The following TBL1XR1 variants were observed in gnomAD, a reference collection of about 807,000 sequenced individuals.
TBL1XR1 encodes the protein F-box-like/WD repeat-containing protein TBL1XR1.
TBL1XR1 carries 5 observed loss-of-function variants against 66.9 expected under a neutral mutation model. The observed-to-expected ratio is 0.07, with a 90% CI of 0.04 to 0.16. The LOEUF is 0.16. TBL1XR1 is among the 10% of genes least tolerant of loss of function. TBL1XR1 has a pLI of 1.00. For missense variants in TBL1XR1, 238 were observed against 623.2 expected, an observed-to-expected ratio of 0.38 and a Z score of 6.58; for synonymous variants, 210 against 206.0, an observed-to-expected ratio of 1.02 and a Z score of -0.17.
At chr3:177,171,700 C>T (rs1230712276) in intron 1 of TBL1XR1, among the ~76,000 whole-genome samples, 1 of 25,630 alleles carries the variant, frequency 3.9e-5, no homozygotes, top group Non-Finnish European at 7.0e-5. Flanking sequence ...CAGACTCCGT[C>T]TCAAAAAAAA....
chr3:177,137,349 G>C (rs1299266273), intron 1 of TBL1XR1, among the ~76,000 whole-genome samples: 1 of 151,986 alleles, frequency 6.6e-6, no homozygotes, highest in Non-Finnish European at 1.5e-5. Context: ...AAAATCGTCA[G>C]GGCGTGGTGG....
At chr3:177,176,467 G>A (rs1358023558) in intron 1 of TBL1XR1, among the ~76,000 whole-genome samples, 2 of 151,160 alleles carry the variant, frequency 1.3e-5, no homozygotes, top group East Asian at 2.0e-4. Context: ...AAAGTACTGG[G>A]AATACATGTG....
chr3:177,051,970 A>G (rs1717148848), intron 4 of TBL1XR1, among the ~76,000 whole-genome samples: 1 of 152,206 alleles, frequency 6.6e-6, no homozygotes, highest in Non-Finnish European at 1.5e-5. Flanking sequence ...CTGTACAGAT[A>G]GAGCTGAAAT....
At chr3:177,189,716 G>A (rs1341906008) in intron 1 of TBL1XR1, among the ~76,000 whole-genome samples, 2 of 149,184 alleles carry the variant, frequency 1.3e-5, no homozygotes, top group Non-Finnish European at 2.9e-5. Flanking sequence ...ACCCTGGTTG[G>A]CTGGAACTAA....
chr3:177,156,518 T>TACACACATACAC (rs1553858991), intron 1 of TBL1XR1, among the ~76,000 whole-genome samples: 1 of 139,706 alleles, frequency 7.2e-6, no homozygotes, highest in African/African-American at 2.6e-5. Flanking sequence ...TATATATACA[T>TACACACATACAC]ACACACACAC....
chr3:177,194,575 T>C, intron 1 of TBL1XR1, among the ~76,000 whole-genome samples: 2 of 152,332 alleles, frequency 1.3e-5, no homozygotes, highest in East Asian at 3.9e-4. Context: ...GAGATTCCTT[T>C]GTCAGCTACT....
intron 2 of TBL1XR1, among the ~76,000 whole-genome samples, chr3:177,084,378 T>C (rs1721867651): frequency 6.6e-6 from 1 of 152,198 alleles, no homozygotes; most frequent in Non-Finnish European, 1.5e-5. Context: ...ATGAGGTCTG[T>C]CTGGTTTTAG....
In TBL1XR1 at chr3:177,098,487, G is replaced by C. The variant is rs1226384326; in HGVS notation, c.-67C>G. On this transcript the variant is annotated 5_prime_UTR_variant, in exon 2 of 16. Coordinates refer to ENST00000457928, the MANE Select transcript of TBL1XR1 (RefSeq NM_024665.7). The stretch of plus-strand genomic sequence containing the variant: ...TTACCATTGGCAGTGCATTGATGTG[G>C]GGATGTGCAACTGAATATCCGGTCA... The C allele has an allele frequency of 5.1e-6, 5 of 985,706 alleles. No homozygotes were observed. 61.1% of individuals were successfully genotyped at this position (985,706 alleles called of 1,614,324 possible). A position where few individuals can be genotyped will look rare whatever the true frequency, so the allele number is the denominator to read the frequency against.
At chr3:177,083,523 T>TA (rs997126655) in intron 2 of TBL1XR1, among the ~76,000 whole-genome samples, 6 of 152,248 alleles carry the variant, frequency 3.9e-5, no homozygotes, top group Non-Finnish European at 4.4e-5. Context: ...ATGAATGCCA[T>TA]AAAAAAACAA....
intron 1 of TBL1XR1, among the ~76,000 whole-genome samples, chr3:177,196,106 G>A (rs904115693): frequency 4.6e-5 from 7 of 152,082 alleles, no homozygotes; most frequent in Non-Finnish European, 1.5e-5. Flanking sequence ...GGTTGCCACT[G>A]CGAAGTGATG....
intron 1 of TBL1XR1, among the ~76,000 whole-genome samples, chr3:177,181,415 G>A (rs533638510): frequency 1.3e-5 from 2 of 150,516 alleles, no homozygotes; most frequent in African/African-American, 4.9e-5. Context: ...GGGAGGTGGA[G>A]GTTACAGTAA....
chr3:177,077,177 T>C (rs1720797550), intron 2 of TBL1XR1, among the ~76,000 whole-genome samples: 1 of 152,226 alleles, frequency 6.6e-6, no homozygotes, highest in South Asian at 2.1e-4. Context: ...CAACAGTACT[T>C]TCGCTGCATA....
At chr3:177,096,859 C>T (rs1278146096) in intron 2 of TBL1XR1, among the ~76,000 whole-genome samples, 2 of 152,052 alleles carry the variant, frequency 1.3e-5, no homozygotes, top group Non-Finnish European at 2.9e-5. Flanking sequence ...CTAGGTAAAG[C>T]TTGGCTTGGG....
intron 1 of TBL1XR1, among the ~76,000 whole-genome samples, chr3:177,190,117 G>A (rs961688260): frequency 2.1e-3 from 215 of 100,182 alleles, no homozygotes; most frequent in Non-Finnish European, 3.0e-3. Context: ...CGGGCAACAA[G>A]AGTGAAACTC....
At chr3:177,176,770 G>A (rs925920683) in intron 1 of TBL1XR1, among the ~76,000 whole-genome samples, 10 of 151,970 alleles carry the variant, frequency 6.6e-5, no homozygotes, top group East Asian at 5.9e-4. Flanking sequence ...AGCCAAGATT[G>A]CGCCACTGCA....
At chr3:177,200,420 G>T (rs1291780151), upstream of TBL1XR1, among the ~76,000 whole-genome samples, 1 of 152,170 alleles carries the variant, frequency 6.6e-6, no homozygotes, top group African/African-American at 2.4e-5. Context: ...ACAACAGTGT[G>T]GCTTCAATGT....
At chr3:177,085,540 T>A (rs1446702290) in intron 2 of TBL1XR1, among the ~76,000 whole-genome samples, 2 of 151,940 alleles carry the variant, frequency 1.3e-5, no homozygotes, top group Admixed American at 1.3e-4. Context: ...AAGATGCCCA[T>A]GAAGGGACAG....
chr3:177,173,349 T>C (rs1156492485), intron 1 of TBL1XR1, among the ~76,000 whole-genome samples: 2 of 152,178 alleles, frequency 1.3e-5, no homozygotes, highest in East Asian at 3.8e-4. Context: ...AATGAGCAGG[T>C]TGAGAAGCGA....
chr3:177,195,657 G>A (rs1180601360), intron 1 of TBL1XR1: 2 of 151,726 alleles, frequency 1.3e-5, no homozygotes, highest in Non-Finnish European at 2.9e-5. Flanking sequence ...CCAAACTGGT[G>A]AAGAAGCCTT....
Sources: allele counts gnomAD v4.1 joint callset (sites outside exome capture counted in the v4.1 genomes callset), GRCh38; gene constraint gnomAD v4.1.1; transcripts MANE v1.5; gene names NCBI Gene and HGNC (gene_info 2026-07-23, HGNC 2026-07-21).